The following ERBIN variants were observed in gnomAD, a reference collection of about 807,000 sequenced individuals.
ERBIN encodes erbb2 interacting protein, also known as densin-180-like protein.
ERBIN carries 60 observed loss-of-function variants against 158.4 expected under a neutral mutation model. The observed-to-expected ratio is 0.38, with a 90% CI of 0.31 to 0.47. ERBIN has a LOEUF of 0.47. Among genes scored for constraint, ERBIN ranks in the 20% least tolerant of loss-of-function variants. ERBIN has a pLI of 0.99. For missense variants in ERBIN, 1,610 were observed against 1,648.0 expected (o/e 0.98, Z 0.40); for synonymous variants, 594 against 557.2 (o/e 1.07, Z -0.93).
intron 19 of ERBIN, among the ~76,000 whole-genome samples, chr5:66,049,230 C>T (rs1012318989): frequency 5.3e-5 from 8 of 151,942 alleles, no homozygotes; most frequent in African/African-American, 1.9e-4. Flanking sequence ...TTTTACACTC[C>T]GTCCAACCTC....
At chr5:66,064,063 T>G (rs1416244143) in intron 21 of ERBIN, among the ~76,000 whole-genome samples, 1 of 152,188 alleles carries the variant, frequency 6.6e-6, no homozygotes, top group Admixed American at 6.5e-5. Context: ...GTCGGTGAGA[T>G]TTGGGGACTT....
intron 17 of ERBIN, 51 bp downstream of exon 17, chr5:66,044,361 T>C: frequency 6.6e-7 from 1 of 1,505,464 alleles, no homozygotes. Context: ...TTCTTATTTT[T>C]AAATGACAGT....
chr5:65,975,757 C>T (rs892353378), intron 1 of ERBIN, among the ~76,000 whole-genome samples: 3 of 152,166 alleles, frequency 2.0e-5, no homozygotes, highest in Non-Finnish European at 4.4e-5. Flanking sequence ...CTGTAAAAGG[C>T]AGCAGAGTAA....
At position 66,025,888 on chromosome 5, in the gene ERBIN, G is replaced by A. The variant is rs985389775; in HGVS notation, c.931G>A (p.Val311Ile). Reference sequence around the variant, plus strand: ...AGAACTGGATTGTAGTTTCAATGAAGTTGAAGCTTTGCCTTCATCTATTGG... The same window carrying A: ...AGAACTGGATTGTAGTTTCAATGAAATTGAAGCTTTGCCTTCATCTATTGG... ...VEELDCSFNEVEALPSSIGQL... is the reference protein window; with the variant it reads ...VEELDCSFNEIEALPSSIGQL... Residue 311 changes from valine to isoleucine, a missense_variant, in exon 12 of 26, where the codon GTT becomes ATT. Around this residue, in one of 2 missense-constraint regions of ERBIN, gnomAD observed 596 missense variants for 711.9 expected, o/e 0.84. Transcript: ENST00000284037. The A allele has an allele frequency of 1.3e-6, 2 of 1,575,940 alleles. No individual in the cohort carries two copies. The highest frequency in any genetic ancestry group is 1.7e-6 in the Non-Finnish European group (2 of 1,158,396).
At position 66,025,511 on chromosome 5, in the gene ERBIN, A is replaced by T. The variant is rs981901494; in HGVS notation, c.849A>T (p.Ile283=). Residue 283 remains isoleucine (I), a synonymous_variant, in exon 11 of 26, where the codon ATA becomes ATT. Transcript: ENST00000284037. ...GSLKNITTLK[I]DENQLMYLPD... is the part of the protein sequence containing the mutation. ...TGAAGAATATAACAACGCTTAAAATAGATGAAAACCAGTTAATGTATCTGC... is the reference window on the plus strand; with the variant it reads ...TGAAGAATATAACAACGCTTAAAATTGATGAAAACCAGTTAATGTATCTGC... The T allele has an allele frequency of 3.7e-6, 6 of 1,612,436 alleles. No individual in the cohort carries two copies. In the African/African-American group the frequency reaches 8.0e-5, roughly 22 times the overall value.
chr5:65,952,541 A>G (rs955828260), intron 1 of ERBIN, among the ~76,000 whole-genome samples: 3 of 151,076 alleles, frequency 2.0e-5, no homozygotes, highest in South Asian at 4.2e-4. Flanking sequence ...TGGCTTGTGT[A>G]TTTGTTATAC....
At chr5:65,957,523 C>T (rs573558082) in intron 1 of ERBIN, among the ~76,000 whole-genome samples, 2 of 152,230 alleles carry the variant, frequency 1.3e-5, no homozygotes, top group East Asian at 1.9e-4. Flanking sequence ...CAGAGAGCAC[C>T]GGGTTGGGGG....
At chr5:66,005,469 T>C (rs1448416831) in intron 4 of ERBIN, among the ~76,000 whole-genome samples, 1 of 152,142 alleles carries the variant, frequency 6.6e-6, no homozygotes, top group Non-Finnish European at 1.5e-5. Context: ...TGTCACCATA[T>C]GGATATTTAA....
intron 1 of ERBIN, among the ~76,000 whole-genome samples, chr5:65,970,381 A>G (rs996340811): frequency 3.3e-5 from 5 of 152,272 alleles, no homozygotes; most frequent in African/African-American, 1.2e-4. Flanking sequence ...TAAAGCTTTT[A>G]AGTTCTAGCC....
At chr5:65,985,498 G>C (rs1751127840) in intron 1 of ERBIN, among the ~76,000 whole-genome samples, 1 of 152,200 alleles carries the variant, frequency 6.6e-6, no homozygotes, top group African/African-American at 2.4e-5. Context: ...AATAACGAGT[G>C]AATATTAACT....
intron 2 of ERBIN, among the ~76,000 whole-genome samples, chr5:65,990,657 CA>C (rs1443093219): frequency 2.1e-5 from 3 of 139,938 alleles, no homozygotes; most frequent in Non-Finnish European, 3.1e-5. Flanking sequence ...GACTCCATCT[CA>C]AAAAAAAATT....
At chr5:66,011,857 G>T (rs1754243105) in intron 4 of ERBIN, among the ~76,000 whole-genome samples, 192 bp from the exon 5 acceptor site, 1 of 152,072 alleles carries the variant, frequency 6.6e-6, no homozygotes, top group African/African-American at 2.4e-5. Context: ...TTATAAAGAG[G>T]CAAATAAAAG....
intron 9 of ERBIN, 93 bp downstream of exon 9, chr5:66,023,457 A>T (rs1190284351): frequency 3.0e-6 from 2 of 676,534 alleles, no homozygotes; most frequent in Admixed American, 3.0e-5. Flanking sequence ...TTTAATTAAT[A>T]AAAAAATTGA....
chr5:66,064,990 A>G (rs1040334257), intron 21 of ERBIN, among the ~76,000 whole-genome samples: 8 of 152,204 alleles, frequency 5.3e-5, no homozygotes, highest in Non-Finnish European at 1.0e-4. Context: ...GTGAGCCACC[A>G]TGCCCTGCCA....
At chr5:65,946,090 C>CAT (rs1475980443) in intron 1 of ERBIN, among the ~76,000 whole-genome samples, 1 of 152,106 alleles carries the variant, frequency 6.6e-6, no homozygotes, top group Non-Finnish European at 1.5e-5. Flanking sequence ...TCAGGCTGGG[C>CAT]ATGGTAGCTC....
At chr5:65,932,098 G>T (rs777428442) in intron 1 of ERBIN, among the ~76,000 whole-genome samples, 1 of 151,892 alleles carries the variant, frequency 6.6e-6, no homozygotes, top group Non-Finnish European at 1.5e-5. Flanking sequence ...GATTACAGGC[G>T]TGAGCCACCG....
intron 19 of ERBIN, 124 bp downstream of exon 19, chr5:66,048,905 G>A: frequency 3.6e-6 from 2 of 561,236 alleles, no homozygotes; most frequent in South Asian, 3.1e-5. Flanking sequence ...TTTTAGACAT[G>A]GCTTTCTGAA....
rs1433533581 is a variant in ERBIN at position 66,081,128 on chromosome 5, A to C, written c.*2598A>C. 1 of 152,008 alleles carries C rather than the reference A, an allele frequency of 6.6e-6. No homozygotes were observed. The highest frequency in any genetic ancestry group is 1.9e-4 in the East Asian group (1 of 5,204). 9.4% of individuals were successfully genotyped at this position (152,008 alleles called of 1,614,324 possible). ...TATTATATAGCAATTCATCAAAACCACAACTGTCTTTTAGTGATTTTGTCT... is the reference window on the plus strand; with the variant it reads ...TATTATATAGCAATTCATCAAAACCCCAACTGTCTTTTAGTGATTTTGTCT... On this transcript the variant is annotated 3_prime_UTR_variant, in exon 26 of 26. Coordinates refer to ENST00000284037, the MANE Select transcript of ERBIN (RefSeq NM_001253697.2).
At chr5:66,074,112 A>ACT (rs1320672920) in intron 22 of ERBIN, among the ~76,000 whole-genome samples, 2 of 137,158 alleles carry the variant, frequency 1.5e-5, no homozygotes, top group African/African-American at 5.6e-5. Flanking sequence ...CTGATCTTGA[A>ACT]CTCCTGGCCT....
Sources: allele counts gnomAD v4.1 joint callset (sites outside exome capture counted in the v4.1 genomes callset), GRCh38; gene constraint gnomAD v4.1.1; regional missense constraint gnomAD v4.1.1; transcripts MANE v1.5; gene names NCBI Gene and HGNC (gene_info 2026-07-23, HGNC 2026-07-21).